The following SGCD variants were observed in gnomAD, a reference collection of about 807,000 sequenced individuals.
SGCD encodes the protein sarcoglycan delta.
Under a neutral mutation model 36.6 loss-of-function variants are expected in SGCD, and 18 were observed. The observed-to-expected ratio is 0.49, with a 90% CI of 0.34 to 0.73. The LOEUF (loss-of-function observed/expected upper bound fraction) is 0.73. Among genes scored for constraint, SGCD ranks in the 30% least tolerant of loss-of-function variants. The pLI, the probability that SGCD is intolerant of heterozygous loss-of-function variation, is 0.01. For synonymous variants in SGCD, 133 were observed against 130.6 expected (o/e 1.02, Z -0.12); for missense variants, 387 against 346.7 (o/e 1.12, Z -0.92).
intron 1 of SGCD, among the ~76,000 whole-genome samples, chr5:156,075,156 A>G (rs1301044909): frequency 6.6e-6 from 1 of 152,162 alleles, no homozygotes; most frequent in Non-Finnish European, 1.5e-5. Flanking sequence ...CACAAAGTCA[A>G]CGTTAGCCTA....
At chr5:156,568,386 A>C (rs997438977) in intron 4 of SGCD, among the ~76,000 whole-genome samples, 1 of 152,176 alleles carries the variant, frequency 6.6e-6, no homozygotes, top group African/African-American at 2.4e-5. Context: ...ATCTCAAATA[A>C]ATAAATAAAT....
intron 1 of SGCD, among the ~76,000 whole-genome samples, chr5:155,876,685 A>G (rs781089965): frequency 6.6e-6 from 1 of 152,042 alleles, no homozygotes; most frequent in Non-Finnish European, 1.5e-5. Flanking sequence ...GCCCCTCTCT[A>G]TCATAGTGTT....
intron 4 of SGCD, among the ~76,000 whole-genome samples, chr5:156,565,711 G>A (rs558455505): frequency 3.4e-5 from 5 of 146,978 alleles, no homozygotes; most frequent in East Asian, 2.2e-4. Flanking sequence ...CCCACCCACC[G>A]ACAGGACCCC....
intron 3 of SGCD, among the ~76,000 whole-genome samples, chr5:156,436,433 T>A (rs1753250517): frequency 6.6e-6 from 1 of 152,222 alleles, no homozygotes; most frequent in Non-Finnish European, 1.5e-5. Context: ...TAGTCAGAAC[T>A]TTCCCAAGGA....
At chr5:156,385,485 CAGG>C (rs1323871914) in intron 3 of SGCD, among the ~76,000 whole-genome samples, 1 of 152,214 alleles carries the variant, frequency 6.6e-6, no homozygotes, top group Non-Finnish European at 1.5e-5. Context: ...ATAAAACCAT[CAGG>C]AGAAGATTTG....
At chr5:156,294,533 G>A (rs530075578) in intron 3 of SGCD, among the ~76,000 whole-genome samples, 1 of 152,266 alleles carries the variant, frequency 6.6e-6, no homozygotes, top group South Asian at 2.1e-4. Context: ...AATAGAAGTG[G>A]TGAAAGCAAG....
chr5:156,271,078 GA>G (rs1348018800), intron 3 of SGCD, among the ~76,000 whole-genome samples: 6 of 152,190 alleles, frequency 3.9e-5, no homozygotes, highest in Admixed American at 2.0e-4. Context: ...AGGCGTTTTG[GA>G]AAGACGGAGA....
At chr5:156,290,159 A>G (rs894291117) in intron 3 of SGCD, among the ~76,000 whole-genome samples, 41 of 152,214 alleles carry the variant, frequency 2.7e-4, no homozygotes, top group African/African-American at 9.6e-4. Flanking sequence ...TGATCTTCCC[A>G]ACTACCCTAA....
At chr5:156,473,593 G>A (rs2127830310) in intron 3 of SGCD, among the ~76,000 whole-genome samples, 1 of 152,316 alleles carries the variant, frequency 6.6e-6, no homozygotes, top group South Asian at 2.1e-4. Context: ...ACTACTGTGT[G>A]TTTTTTATAA....
intron 1 of SGCD, among the ~76,000 whole-genome samples, chr5:155,975,613 T>TC: frequency 2.2e-5 from 1 of 45,466 alleles, no homozygotes; most frequent in East Asian, 6.6e-4. Flanking sequence ...TCTTTCCTTT[T>TC]TTTTTTTTTT....
At chr5:156,175,374 T>G (rs1300886780) in intron 3 of SGCD, among the ~76,000 whole-genome samples, 1 of 151,860 alleles carries the variant, frequency 6.6e-6, no homozygotes, top group African/African-American at 2.4e-5. Context: ...ATTTACAAAT[T>G]TGCCTGGCTC....
intron 3 of SGCD, among the ~76,000 whole-genome samples, chr5:156,358,377 G>A (rs955972565): frequency 2.6e-5 from 4 of 152,224 alleles, no homozygotes; most frequent in Non-Finnish European, 5.9e-5. Context: ...CACTAGTGGA[G>A]AGCCTTGTGC....
intron 2 of SGCD, among the ~76,000 whole-genome samples, chr5:156,337,995 C>T (rs2127710949): frequency 6.6e-6 from 1 of 152,174 alleles, no homozygotes; most frequent in East Asian, 1.9e-4. Context: ...ATGAAGAAGC[C>T]TAGTGGGGAG....
chr5:156,716,049 TATAA>T (rs1755208859), intron 7 of SGCD, among the ~76,000 whole-genome samples: 1 of 152,176 alleles, frequency 6.6e-6, no homozygotes, highest in African/African-American at 2.4e-5. Context: ...CTATATTTAG[TATAA>T]ATGATTTTTT....
chr5:156,197,173 T>C (rs1001646353), intron 3 of SGCD, among the ~76,000 whole-genome samples: 8 of 152,184 alleles, frequency 5.3e-5, no homozygotes, highest in Non-Finnish European at 8.8e-5. Context: ...CTTAGAAAAT[T>C]TGCCATAAAA....
At chr5:155,871,856 C>A (rs1194492264) in intron 1 of SGCD, among the ~76,000 whole-genome samples, 3 of 152,028 alleles carry the variant, frequency 2.0e-5, no homozygotes, top group Admixed American at 6.6e-5. Flanking sequence ...GGCAACCATC[C>A]AAGGCTTAAA....
intron 1 of SGCD, among the ~76,000 whole-genome samples, chr5:156,047,446 T>A (rs1459882836): frequency 6.6e-6 from 1 of 152,114 alleles, no homozygotes; most frequent in African/African-American, 2.4e-5. Flanking sequence ...GACTCTCTTT[T>A]TAGGGGACAA....
intron 3 of SGCD, among the ~76,000 whole-genome samples, chr5:156,405,982 T>C (rs1315480128): frequency 2.2e-5 from 3 of 138,272 alleles, no homozygotes; most frequent in South Asian, 2.4e-4. Context: ...CTCCTGTGTG[T>C]AGATATCACC....
chr5:155,850,439 C>A, the SGCD span, among the ~76,000 whole-genome samples: 1 of 151,688 alleles, frequency 6.6e-6, no homozygotes, highest in African/African-American at 2.4e-5. Flanking sequence ...AGAGAGAGGA[C>A]AAATCACTCA....
Sources: gnomAD v4.1 joint callset for allele counts (sites outside exome capture counted in the v4.1 genomes callset) on GRCh38, gnomAD v4.1.1 for gene constraint, MANE v1.5 for transcripts, NCBI Gene and HGNC (gene_info 2026-07-23, HGNC 2026-07-21) for gene names.